Variants in GRTP1 observed in about 807,000 individuals in gnomAD.
The protein encoded by GRTP1 is growth hormone regulated TBC protein 1.
In GRTP1, 56 loss-of-function variants were observed where a neutral mutation model predicts 38.1. The ratio of observed to expected loss-of-function variants is 1.47; its 90% CI spans 1.19 to 1.84. The LOEUF (loss-of-function observed/expected upper bound fraction) is 1.84. GRTP1 is among the 40% of genes most tolerant of loss of function. The pLI is 0.00. For missense variants in GRTP1, 506 were observed against 453.9 expected, an observed-to-expected ratio of 1.11 and a Z score of -1.04; for synonymous variants, 217 against 189.5, an observed-to-expected ratio of 1.14 and a Z score of -1.19.
chr13:113,353,681 T>C (rs9324235), intron 3 of GRTP1, among the ~76,000 whole-genome samples: 149,615 of 151,842 alleles, frequency 0.99, 73,717 homozygotes, highest in Middle Eastern at 1. Flanking sequence ...GGTGAGGACA[T>C]GGGGTTCAGT....
At chr13:113,362,911 C>A (rs183916506) in intron 2 of GRTP1, among the ~76,000 whole-genome samples, 20 of 152,346 alleles carry the variant, frequency 1.3e-4, no homozygotes, top group Non-Finnish European at 2.4e-4. Context: ...GCCCTCACCC[C>A]AGGCAGACAC....
chr13:113,363,083 A>C (rs1236314685), intron 2 of GRTP1, among the ~76,000 whole-genome samples: 1 of 152,194 alleles, frequency 6.6e-6, no homozygotes, highest in Non-Finnish European at 1.5e-5. Flanking sequence ...CCGCACAGGG[A>C]AGCCTGGGGC....
At chr13:113,326,148 C>T in intron 5 of GRTP1, 57 bp from the exon 6 acceptor site, 1 of 1,586,484 alleles carries the variant, frequency 6.3e-7, no homozygotes, top group African/African-American at 1.3e-5. Flanking sequence ...CCACAAGCCC[C>T]ATTCCCCTCA....
rs1461290903 is a variant in GRTP1, at chr13:113,349,360, T to A, written c.465+1489A>T. On this transcript the variant is annotated intron_variant, in intron 4 of 7. Transcript: ENST00000375431. The surrounding 1 kb of genome is among the most constrained non-coding windows in gnomAD (Gnocchi z 5.0). Reference sequence around the variant, plus strand: ...TGTGCCACCACACCCCGCTAATTTTTAAAAATATTTTGTAGAGATGGAGTC... The same window carrying A: ...TGTGCCACCACACCCCGCTAATTTTAAAAAATATTTTGTAGAGATGGAGTC... 6.6e-6 allele frequency among the ~76,000 whole-genome samples: 1 copy of A among 152,116 alleles called. No homozygotes were observed. The highest frequency in any genetic ancestry group is 1.5e-5 in the Non-Finnish European group (1 of 68,014).
intron 2 of GRTP1, among the ~76,000 whole-genome samples, chr13:113,363,047 G>A (rs1332283634): frequency 1.3e-5 from 2 of 152,216 alleles, no homozygotes; most frequent in African/African-American, 4.8e-5. Flanking sequence ...GCTGTGCTGG[G>A]AAAGGCAGAA....
chr13:113,351,050 G>T (rs1185831809), intron 3 of GRTP1, 77 bp from the exon 4 acceptor site: 5 of 1,591,294 alleles, frequency 3.1e-6, no homozygotes, highest in Non-Finnish European at 4.3e-6. Context: ...CCCCGAGGGT[G>T]GCCACCTGGG....
rs114224434 is a variant in GRTP1 at position 113,340,211 on chromosome 13, A to G, written c.562+4652T>C. Among the ~76,000 whole-genome samples, 1,062 of 152,184 alleles carry G rather than the reference A, an allele frequency of 7.0e-3. 9 individuals are homozygous for G. Among genetic ancestry groups the G allele is most frequent in the African/African-American group, 0.025 (1,028 of 41,514 alleles). On this transcript the variant is annotated intron_variant, in intron 5 of 7. Transcript: ENST00000375431. ...TGAGCCACAGATTTATTTTTAAAAA[A>G]CAGGAATTAATCACAGCCCTTTGTG...
At chr13:113,335,981 A>G (rs1180564125) in intron 5 of GRTP1, among the ~76,000 whole-genome samples, 1 of 151,774 alleles carries the variant, frequency 6.6e-6, no homozygotes, top group East Asian at 1.9e-4. Context: ...TAGTAGAGAA[A>G]GGGTTTCACC....
intron 5 of GRTP1, among the ~76,000 whole-genome samples, chr13:113,328,284 G>A (rs1474382541): frequency 2.0e-5 from 3 of 152,210 alleles, no homozygotes; most frequent in Non-Finnish European, 2.9e-5. Context: ...CGGGGGCACA[G>A]CTCTGACACT....
intron 5 of GRTP1, among the ~76,000 whole-genome samples, chr13:113,331,648 CTTTTTTTTTTTTTT>C (rs59328510): frequency 1.1e-5 from 1 of 92,990 alleles, no homozygotes; most frequent in East Asian, 3.5e-4. Context: ...GTTTGGTTTA[CTTTTTTTTTTTTTT>C]TTTTTTTTTT....
rs1370453571 is a variant in GRTP1, at chr13:113,325,762, G to A, written c.820C>T (p.Gln274Ter). ...CTGGTGGCTTCCAAAATCAACTCCT[G>A]GTGCTGCTTAATTAAGGTCAGGGCC... ...RVALTLIKQH[Q>*]ELILEATSVP... The change falls in exon 7 of 8, where the codon CAG (glutamine) becomes TAG (stop). Residue 274 changes from glutamine (Q) to a stop codon, truncating the protein, a stop_gained. Transcript: ENST00000375431. LOFTEE classifies it high-confidence loss of function. The A allele has an allele frequency of 6.2e-7, 1 of 1,614,024 alleles. No individual in the cohort carries two copies. Among genetic ancestry groups the A allele is most frequent in the African/African-American group, 1.3e-5 (1 of 74,910 alleles).
chr13:113,357,441 CAA>C (rs368660991), intron 2 of GRTP1, among the ~76,000 whole-genome samples: 6 of 97,660 alleles, frequency 6.1e-5, no homozygotes, highest in East Asian at 3.2e-4. Context: ...GACACTGCCT[CAA>C]AAAAAAAAAA....
At chr13:113,346,036 ATCT>A (rs1566428737) in intron 4 of GRTP1, among the ~76,000 whole-genome samples, 4 of 30,424 alleles carry the variant, frequency 1.3e-4, no homozygotes, top group East Asian at 9.9e-4. Context: ...CTGGGAAGAC[ATCT>A]GTGGCCGAGA....
intron 4 of GRTP1, among the ~76,000 whole-genome samples, chr13:113,347,527 T>A (rs2043176549): frequency 2.7e-5 from 2 of 74,350 alleles, no homozygotes; most frequent in Non-Finnish European, 2.9e-5. Context: ...AGCACCTCTG[T>A]GGCTGAGCGG....
In GRTP1 at chr13:113,349,092, G is replaced by A. The variant is rs2043217405; in HGVS notation, c.465+1757C>T. ...TTGCTCTATTGCCCAGGCTGGTCTT[G>A]AACTCTTGGCCTCAAGCAAACAATC... On this transcript the variant is annotated intron_variant, in intron 4 of 7. Coordinates refer to ENST00000375431, the MANE Select transcript of GRTP1 (RefSeq NM_024719.4). The surrounding 1 kb of genome is among the most constrained non-coding windows in gnomAD (Gnocchi z 5.0). Among the ~76,000 whole-genome samples, 2 of 148,148 alleles carry A rather than the reference G, an allele frequency of 1.3e-5. No individual in the cohort carries two copies. The highest frequency in any genetic ancestry group is 4.3e-4 in the South Asian group (2 of 4,626).
chr13:113,355,621 C>T (rs2043372452), intron 2 of GRTP1, 140 bp from the exon 3 acceptor site: 1 of 1,007,056 alleles, frequency 9.9e-7, no homozygotes, highest in Non-Finnish European at 1.4e-6. Context: ...TCCATCTCCA[C>T]CAAAACTGGT....
At chr13:113,325,610 G>C in intron 7 of GRTP1, 51 bp downstream of exon 7, 1 of 1,613,464 alleles carries the variant, frequency 6.2e-7, no homozygotes, top group South Asian at 1.1e-5. Context: ...CGGGCTGCAG[G>C]TGAGGCGGGG....
chr13:113,346,193 T>TCTGTGGCC (rs2043119486), intron 4 of GRTP1, among the ~76,000 whole-genome samples: 1 of 63,512 alleles, frequency 1.6e-5, no homozygotes, highest in African/African-American at 8.5e-5. Flanking sequence ...CCTCTGTGGC[T>TCTGTGGCC]GAGAGCAGAC....
At chr13:113,350,226 A>G (rs2043236498) in intron 4 of GRTP1, among the ~76,000 whole-genome samples, 2 of 152,050 alleles carry the variant, frequency 1.3e-5, no homozygotes, top group African/African-American at 2.4e-5. Context: ...CGGCCTGTTC[A>G]CTCCACTAGT....
Sources: allele counts gnomAD v4.1 joint callset (sites outside exome capture counted in the v4.1 genomes callset), GRCh38; gene constraint gnomAD v4.1.1; non-coding constraint Gnocchi (gnomAD v3.1); transcripts MANE v1.5; gene names NCBI Gene and HGNC (gene_info 2026-07-23, HGNC 2026-07-21).